Variants in NRDE2 observed in about 807,000 individuals in gnomAD.
NRDE2 encodes NRDE-2, necessary for RNA interference, domain containing.
In NRDE2, 76 loss-of-function variants were observed where a neutral mutation model predicts 124.2. The ratio of observed to expected loss-of-function variants is 0.61; its 90% CI spans 0.51 to 0.74. The LOEUF (loss-of-function observed/expected upper bound fraction) is 0.74. Among genes scored for constraint, NRDE2 ranks in the 30% least tolerant of loss-of-function variants. The pLI is 0.00. For missense variants in NRDE2, 1,314 were observed against 1,417.3 expected, an observed-to-expected ratio of 0.93 and a Z score of 1.17; for synonymous variants, 489 against 528.1, an observed-to-expected ratio of 0.93 and a Z score of 1.01.
intron 9 of NRDE2, 100 bp downstream of exon 9, chr14:90,292,597 G>A: frequency 7.6e-7 from 1 of 1,320,230 alleles, no homozygotes. Context: ...ACTGCTAAGA[G>A]AGCTCCAGCG....
intron 3 of NRDE2, among the ~76,000 whole-genome samples, chr14:90,314,441 A>G (rs576150867): frequency 1.3e-5 from 2 of 152,244 alleles, no homozygotes; most frequent in Non-Finnish European, 2.9e-5. Flanking sequence ...ATTCTATAAA[A>G]TATCAATAAA....
rs1273955261 is a variant in NRDE2 at position 90,288,579 on chromosome 14, T to C, written c.2796A>G (p.Ala932=). 1 of 1,614,112 alleles carries C rather than the reference T, an allele frequency of 6.2e-7. No homozygotes were observed. The highest frequency in any genetic ancestry group is 8.5e-7 in the Non-Finnish European group (1 of 1,180,046). ...AAVQIYEQVF[A]KLNSSVFPEG... is the part of the protein sequence containing the mutation. ...CTGGGAAAACAGAACTGTTCAGTTTTGCAAACACCTGTTCGTATATCTGCA... is the reference window on the plus strand; with the variant it reads ...CTGGGAAAACAGAACTGTTCAGTTTCGCAAACACCTGTTCGTATATCTGCA... Residue 932 remains alanine (A), a synonymous_variant, in exon 11 of 14, where the codon GCA becomes GCG. Coordinates refer to ENST00000354366, the MANE Select transcript of NRDE2 (RefSeq NM_017970.4).
At chr14:90,285,554 G>A (rs1410260152) in intron 12 of NRDE2, among the ~76,000 whole-genome samples, 1 of 152,046 alleles carries the variant, frequency 6.6e-6, no homozygotes, top group South Asian at 2.1e-4. Context: ...TGCCTGCCTT[G>A]GCCTCCCAAA....
In NRDE2 at chr14:90,301,289, A is replaced by G. The variant is rs1048716271; in HGVS notation, c.1495T>C (p.Phe499Leu). Reference sequence around the variant, plus strand: ...ACGCTGTCGGGTTTGAAGAAGGTGAAGTCCACCATGGCCTGGAACAATGAG... The same window carrying G: ...ACGCTGTCGGGTTTGAAGAAGGTGAGGTCCACCATGGCCTGGAACAATGAG... ...AISLFQAMVD[F>L]TFFKPDSVKD... Residue 499 changes from phenylalanine to leucine, a missense_variant, in exon 7 of 14, where the codon TTC (phenylalanine) becomes CTC (leucine). By Grantham distance (22) the Phe-to-Leu change is conservative. Transcript: ENST00000354366. The G allele has an allele frequency of 6.2e-7, 1 of 1,613,826 alleles. No homozygotes were observed. Among genetic ancestry groups the G allele is most frequent in the African/African-American group, 1.3e-5 (1 of 75,016 alleles).
At chr14:90,322,520 CTG>C (rs1247520877) in intron 1 of NRDE2, among the ~76,000 whole-genome samples, 2 of 151,996 alleles carry the variant, frequency 1.3e-5, no homozygotes, top group Non-Finnish European at 2.9e-5. Flanking sequence ...ATCAAATGAA[CTG>C]AAGAAATTAG....
rs1891790863 is a variant in NRDE2, at chr14:90,275,791, G to A, written c.*2545C>T. ...CTGCGGAAAACCCACTGGCTCTTTG[G>A]AGCCCTTCCTCAGTAGAACAATTTA... On this transcript the variant is annotated 3_prime_UTR_variant, in exon 14 of 14. Transcript: ENST00000354366. The A allele has an allele frequency of 6.6e-6, 1 of 152,174 alleles. No individual in the cohort carries two copies. Among genetic ancestry groups the A allele is most frequent in the Non-Finnish European group, 1.5e-5 (1 of 68,040 alleles). The allele number at this position is 152,174 out of a possible 1,614,324, so 9.4% of individuals were successfully genotyped here.
Position 90,288,340 on chromosome 14 carries a change from T to C in NRDE2, c.3035A>G (p.His1012Arg), listed in dbSNP as rs1892165720. 3.7e-6 allele frequency: 6 copies of C among 1,614,234 alleles called. No individual in the cohort carries two copies. The highest frequency in any genetic ancestry group is 4.2e-6 in the Non-Finnish European group (5 of 1,180,044). The change falls in exon 11 of 14, where the codon CAC becomes CGC. Residue 1012 changes from histidine to arginine, a missense_variant. Transcript: ENST00000354366. ...AAATCTCCTGGTTTTGCTGGCACTG[T>C]GGGACTTATTCTGAATCTGTACATA... ...RSYVQIQNKSHSASKTRRFFD... is the reference protein window; with the variant it reads ...RSYVQIQNKSRSASKTRRFFD...
intron 7 of NRDE2, among the ~76,000 whole-genome samples, chr14:90,301,010 C>T (rs555272416): frequency 6.7e-6 from 1 of 149,798 alleles, no homozygotes; most frequent in East Asian, 2.0e-4. Flanking sequence ...GGGGAAGCTT[C>T]TTTACCTATC....
At chr14:90,315,957 CAA>C (rs59604203) in intron 3 of NRDE2, among the ~76,000 whole-genome samples, 77 of 74,396 alleles carry the variant, frequency 1.0e-3, no homozygotes, top group Middle Eastern at 8.3e-3. Flanking sequence ...AACCCCGTCT[CAA>C]AAAAAAAAAA....
At chr14:90,323,601 T>C (rs545165100) in intron 1 of NRDE2, among the ~76,000 whole-genome samples, 18 of 152,098 alleles carry the variant, frequency 1.2e-4, no homozygotes, top group Non-Finnish European at 2.6e-4. Flanking sequence ...GATCTGGGAG[T>C]ACAAACCTAT....
At chr14:90,330,037 T>C (rs1359119742) in intron 1 of NRDE2, among the ~76,000 whole-genome samples, 4 of 150,576 alleles carry the variant, frequency 2.7e-5, no homozygotes, top group African/African-American at 9.8e-5. Flanking sequence ...TGAAACCCCA[T>C]CTCTACTAAC....
chr14:90,278,971 G>T, intron 13 of NRDE2, 91 bp downstream of exon 13: 2 of 890,074 alleles, frequency 2.2e-6, no homozygotes, highest in South Asian at 1.4e-5. Flanking sequence ...CATCCCCGGT[G>T]CCGCGGGGCA....
chr14:90,268,207 T>G lies in NRDE2; in HGVS notation c.*10129A>C. Reference sequence around the variant, plus strand: ...TTAAGGTGTCTTTTTTTTTTTTATCTTTTTCATCCAAAATAGGTAAAACCT... The same window carrying G: ...TTAAGGTGTCTTTTTTTTTTTTATCGTTTTCATCCAAAATAGGTAAAACCT... On this transcript the variant is annotated 3_prime_UTR_variant, in exon 14 of 14. Coordinates refer to ENST00000354366, the MANE Select transcript of NRDE2 (RefSeq NM_017970.4). The G allele has an allele frequency of 1.3e-6, 2 of 1,552,284 alleles. No homozygotes were observed. Among genetic ancestry groups the G allele is most frequent in the South Asian group, 2.4e-5 (2 of 82,874 alleles).
chr14:90,301,964 T>C (rs949678402), intron 6 of NRDE2, among the ~76,000 whole-genome samples: 2 of 152,214 alleles, frequency 1.3e-5, no homozygotes, highest in African/African-American at 4.8e-5. Context: ...TTGAGAGCAA[T>C]GTATTTCTAT....
At chr14:90,309,704 G>A (rs1242037373) in intron 4 of NRDE2, among the ~76,000 whole-genome samples, 1 of 152,122 alleles carries the variant, frequency 6.6e-6, no homozygotes, top group Non-Finnish European at 1.5e-5. Flanking sequence ...TGCACTTGAG[G>A]CATTAAGCCC....
intron 8 of NRDE2, among the ~76,000 whole-genome samples, chr14:90,297,680 T>A (rs1174460564): frequency 1.3e-5 from 2 of 152,160 alleles, no homozygotes; most frequent in Admixed American, 1.3e-4. Flanking sequence ...ACACCTGTAA[T>A]CCCAGCACTT....
chr14:90,314,856 C>T (rs1431832515), intron 3 of NRDE2, among the ~76,000 whole-genome samples: 1 of 152,044 alleles, frequency 6.6e-6, no homozygotes, highest in Non-Finnish European at 1.5e-5. Context: ...TGCCGGACTG[C>T]TTTATTTTTT....
At chr14:90,287,600 GAC>G (rs1483926162) in intron 11 of NRDE2, among the ~76,000 whole-genome samples, 1 of 152,050 alleles carries the variant, frequency 6.6e-6, no homozygotes, top group African/African-American at 2.4e-5. Flanking sequence ...CAGCCTGAGC[GAC>G]AGAGTAAGAC....
chr14:90,302,613 CAAT>C, intron 6 of NRDE2, 104 bp downstream of exon 6: 7 of 1,228,692 alleles, frequency 5.7e-6, no homozygotes, highest in Non-Finnish European at 7.7e-6. Context: ...TTCTATCAAA[CAAT>C]TTAGACTTTT....
Sources: gnomAD v4.1 joint callset for allele counts (sites outside exome capture counted in the v4.1 genomes callset) on GRCh38, gnomAD v4.1.1 for gene constraint, MANE v1.5 for transcripts, NCBI Gene and HGNC (gene_info 2026-07-23, HGNC 2026-07-21) for gene names.